Variants in NLGN1 observed in about 807,000 individuals in gnomAD.
NLGN1 encodes neuroligin-1.
In NLGN1, 12 loss-of-function variants were observed where a neutral mutation model predicts 65.5. The observed-to-expected ratio is 0.18, with a 90% CI of 0.12 to 0.30. The LOEUF is 0.30. Ranked by LOEUF, NLGN1 falls within the 10% of genes least tolerant of loss-of-function variation. NLGN1 has a pLI of 1.00. For synonymous variants in NLGN1, 350 were observed against 359.5 expected (o/e 0.97, Z 0.30); for missense variants, 750 against 1,007.1 (o/e 0.74, Z 3.46).
chr3:173,885,778 A>G (rs1004777839), intron 4 of NLGN1, among the ~76,000 whole-genome samples: 42 of 152,130 alleles, frequency 2.8e-4, no homozygotes, highest in Non-Finnish European at 5.6e-4. Context: ...GAAGAAAGAT[A>G]TAAAAAATTG....
intron 4 of NLGN1, among the ~76,000 whole-genome samples, chr3:173,827,461 G>A (rs568564553): frequency 7.9e-5 from 12 of 151,958 alleles, no homozygotes; most frequent in Non-Finnish European, 1.6e-4. Flanking sequence ...AAGAAGTGTG[G>A]AGGGTCAGTA....
chr3:173,803,913 T>C (rs1170274444), intron 3 of NLGN1, among the ~76,000 whole-genome samples: 1 of 152,186 alleles, frequency 6.6e-6, no homozygotes, highest in African/African-American at 2.4e-5. Flanking sequence ...TATGGGCAAT[T>C]AAATACTTCA....
chr3:173,789,443 C>T (rs965242549), intron 3 of NLGN1, among the ~76,000 whole-genome samples: 1 of 152,154 alleles, frequency 6.6e-6, no homozygotes, highest in African/African-American at 2.4e-5. Context: ...GCAGAGCTTT[C>T]ACAAACACCA....
In NLGN1 at chr3:174,199,536, A is replaced by G. The variant is rs142328249; in HGVS notation, c.647-75779A>G. On this transcript the variant is annotated intron_variant, in intron 4 of 6. Coordinates refer to ENST00000457714, the Ensembl canonical transcript of NLGN1. ...AGAGTTCACCTAGAGCTCACAATCT[A>G]TGAGGGTCCTTTTCAAGAGGATCCT... Among the ~76,000 whole-genome samples, 352 of 152,000 alleles carry G rather than the reference A, an allele frequency of 2.3e-3. 3 individuals carry two copies. The highest frequency in any genetic ancestry group is 9.4e-4 in the Non-Finnish European group (64 of 67,994).
chr3:174,278,050 T>A (rs1201212610), intron 5 of NLGN1, among the ~76,000 whole-genome samples: 1 of 151,986 alleles, frequency 6.6e-6, no homozygotes, highest in Non-Finnish European at 1.5e-5. Flanking sequence ...TATGGAACCA[T>A]CATTTACAAT....
chr3:174,198,284 C>T (rs1028401297), intron 4 of NLGN1, among the ~76,000 whole-genome samples: 6 of 152,124 alleles, frequency 3.9e-5, no homozygotes, highest in Non-Finnish European at 7.4e-5. Context: ...AACTAAAGCT[C>T]AGGGAGATAA....
chr3:173,411,388 G>A (rs1027021406), intron 1 of NLGN1, among the ~76,000 whole-genome samples: 1 of 152,176 alleles, frequency 6.6e-6, no homozygotes, highest in Non-Finnish European at 1.5e-5. Flanking sequence ...GCCATTCAGA[G>A]GTGCTGTTCT....
At chr3:173,946,150 TA>T (rs1747103437) in intron 4 of NLGN1, among the ~76,000 whole-genome samples, 1 of 152,224 alleles carries the variant, frequency 6.6e-6, no homozygotes, top group African/African-American at 2.4e-5. Context: ...AAATGCAAAT[TA>T]TTTTTTTCTA....
intron 4 of NLGN1, among the ~76,000 whole-genome samples, chr3:174,183,153 A>T (rs1031140951): frequency 2.6e-5 from 4 of 151,510 alleles, no homozygotes; most frequent in African/African-American, 7.3e-5. Flanking sequence ...TGTGCCTGGC[A>T]CCTCCCGTCC....
In NLGN1 at chr3:173,747,101, C is replaced by T. The variant is rs565197891; in HGVS notation, c.494-60579C>T. On this transcript the variant is annotated intron_variant, in intron 3 of 6. Transcript: ENST00000457714. Reference sequence around the variant, plus strand: ...ACACACACACACACACAAACACACACGTGTGTATACCACGTGTATACGTGT... The same window carrying T: ...ACACACACACACACACAAACACACATGTGTGTATACCACGTGTATACGTGT... Among the ~76,000 whole-genome samples the T allele has an allele frequency of 4.7e-5, 7 of 149,294 alleles. No homozygotes were observed. The South Asian group carries it at 1.5e-3, about 31-fold the overall frequency.
At chr3:173,696,290 C>T (rs1766207511) in intron 3 of NLGN1, among the ~76,000 whole-genome samples, 1 of 152,184 alleles carries the variant, frequency 6.6e-6, no homozygotes, top group South Asian at 2.1e-4. Flanking sequence ...ATTTTTATTT[C>T]TGCTTGTCTT....
chr3:173,920,296 G>A (rs1340903149), intron 4 of NLGN1, among the ~76,000 whole-genome samples: 1 of 152,062 alleles, frequency 6.6e-6, no homozygotes, highest in Non-Finnish European at 1.5e-5. Context: ...TCCTAAAGCA[G>A]GTGTGTTAGA....
chr3:174,086,571 A>C (rs940070381), intron 4 of NLGN1, among the ~76,000 whole-genome samples: 1 of 151,606 alleles, frequency 6.6e-6, no homozygotes, highest in Non-Finnish European at 1.5e-5. Flanking sequence ...AACTCAGTAT[A>C]AGCCACTATA....
At chr3:174,140,360 A>G (rs1490784413) in intron 4 of NLGN1, among the ~76,000 whole-genome samples, 1 of 152,180 alleles carries the variant, frequency 6.6e-6, no homozygotes, top group Non-Finnish European at 1.5e-5. Context: ...AGTTAGATAA[A>G]TTAATCTTTA....
chr3:173,567,880 T>A (rs1207712320), intron 2 of NLGN1, among the ~76,000 whole-genome samples: 1 of 152,124 alleles, frequency 6.6e-6, no homozygotes, highest in African/African-American at 2.4e-5. Flanking sequence ...AAGAAATCTC[T>A]TATTGAACAT....
At chr3:173,756,856 G>C (rs1246213610) in intron 3 of NLGN1, among the ~76,000 whole-genome samples, 1 of 150,930 alleles carries the variant, frequency 6.6e-6, no homozygotes, top group Admixed American at 6.6e-5. Flanking sequence ...AGATCCCTTT[G>C]ACTAGTGCTT....
chr3:173,827,627 A>ATGTGTGTGTG (rs1179875893), intron 4 of NLGN1, among the ~76,000 whole-genome samples: 9 of 71,798 alleles, frequency 1.3e-4, no homozygotes, highest in African/African-American at 2.2e-4. Flanking sequence ...TATATTTATG[A>ATGTGTGTGTG]TATGTGTGTG....
chr3:173,808,877 T>C (rs1717263481), intron 4 of NLGN1, among the ~76,000 whole-genome samples: 1 of 152,194 alleles, frequency 6.6e-6, no homozygotes, highest in Non-Finnish European at 1.5e-5. Context: ...TTATCCACGT[T>C]GAGAATCAGA....
At chr3:174,275,075 T>TTATC (rs1203134305) in intron 4 of NLGN1, among the ~76,000 whole-genome samples, 1 of 151,876 alleles carries the variant, frequency 6.6e-6, no homozygotes, top group East Asian at 1.9e-4. Context: ...TCTGTCCCTG[T>TTATC]TATCTGTTAC....
Sources: allele counts gnomAD v4.1 joint callset (sites outside exome capture counted in the v4.1 genomes callset), GRCh38; gene constraint gnomAD v4.1.1; transcripts MANE v1.5; gene names NCBI Gene and HGNC (gene_info 2026-07-23, HGNC 2026-07-21).